Variants in MEF2C observed in about 807,000 individuals in gnomAD.
MEF2C encodes the protein myocyte enhancer factor 2C, also known as myocyte-specific enhancer factor 2C.
A neutral mutation model predicts 50.5 loss-of-function variants in MEF2C; 6 were observed. The observed-to-expected ratio is 0.12, with a 90% CI of 0.07 to 0.23. MEF2C has a LOEUF of 0.23. MEF2C is among the 10% of genes least tolerant of loss of function. The pLI is 1.00. For synonymous variants in MEF2C, 183 were observed against 228.0 expected (o/e 0.80, Z 1.78); for missense variants, 276 against 605.0 (o/e 0.46, Z 5.70).
At chr5:88,855,057 A>G (rs1172626598) in intron 1 of MEF2C, among the ~76,000 whole-genome samples, 2 of 152,248 alleles carry the variant, frequency 1.3e-5, no homozygotes, top group African/African-American at 4.8e-5. Context: ...GGAGGTACAC[A>G]GAAAGGGTGC....
intron 1 of MEF2C, among the ~76,000 whole-genome samples, chr5:88,876,923 A>G (rs1371685735): frequency 3.9e-5 from 6 of 151,992 alleles, no homozygotes; most frequent in Non-Finnish European, 8.8e-5. Context: ...TCATGATGCT[A>G]TTTGGAAAAA....
intron 2 of MEF2C, chr5:88,817,899 C>G (rs889899696): frequency 6.6e-6 from 1 of 151,898 alleles, no homozygotes; most frequent in African/African-American, 2.4e-5. Context: ...TTTTATATAT[C>G]TTTCTTCCTA....
rs1037656105 is a variant in MEF2C, at chr5:88,741,107, C to T, written c.637+7963G>A. ...TCTGCTTCAGATTTATTAATACATCCGCTTTACTTCCACCCTTGAGGATAG... is the reference window on the plus strand; with the variant it reads ...TCTGCTTCAGATTTATTAATACATCTGCTTTACTTCCACCCTTGAGGATAG... On this transcript the variant is annotated intron_variant, in intron 6 of 10. Transcript: ENST00000504921. 1.1e-4 allele frequency: 107 copies of T among 985,384 alleles called. No individual in the cohort carries two copies. In the African/African-American group the frequency reaches 1.3e-3, roughly 12 times the overall value. 61.0% of individuals were successfully genotyped at this position (985,384 alleles called of 1,614,324 possible). A position where few individuals can be genotyped will look rare whatever the true frequency, so the allele number is the denominator to read the frequency against.
At chr5:88,788,186 AT>A (rs1374332962) in intron 3 of MEF2C, among the ~76,000 whole-genome samples, 1 of 138,476 alleles carries the variant, frequency 7.2e-6, no homozygotes, top group African/African-American at 2.5e-5. Context: ...TTGTTTATTT[AT>A]TTATTTATTT....
intron 1 of MEF2C, among the ~76,000 whole-genome samples, chr5:88,862,779 C>T (rs1421613586): frequency 6.6e-6 from 1 of 152,134 alleles, no homozygotes; most frequent in Non-Finnish European, 1.5e-5. Flanking sequence ...GGAGTGGGCG[C>T]TGAGGAGGAG....
intron 3 of MEF2C, among the ~76,000 whole-genome samples, chr5:88,796,068 G>A (rs1488582432): frequency 2.6e-5 from 4 of 152,084 alleles, no homozygotes; most frequent in Admixed American, 6.5e-5. Context: ...TTTTTGCATC[G>A]ATGTTCATCA....
intron 5 of MEF2C, among the ~76,000 whole-genome samples, chr5:88,750,690 A>G (rs1379130773): frequency 6.6e-6 from 1 of 152,232 alleles, no homozygotes; most frequent in Non-Finnish European, 1.5e-5. Flanking sequence ...AATATATTCA[A>G]AAGTCAAGAG....
At position 88,720,156 on chromosome 5, in the gene MEF2C, G is replaced by GT. The variant is rs1755807660; in HGVS notation, c.*2447dup. 1 of 152,108 alleles carries GT rather than the reference G, an allele frequency of 6.6e-6. No individual in the cohort carries two copies. Among genetic ancestry groups the GT allele is most frequent in the African/African-American group, 2.4e-5 (1 of 41,442 alleles). The allele number at this position is 152,108 out of a possible 1,614,324, so 9.4% of individuals were successfully genotyped here. Reference sequence around the variant, plus strand: ...ACACATCAAGTTAGAAGGATGGGTTGTAAGGATGGGATCAAGTCTATGGTG... The same window carrying GT: ...ACACATCAAGTTAGAAGGATGGGTTGTTAAGGATGGGATCAAGTCTATGGTG... On this transcript the variant is annotated 3_prime_UTR_variant, in exon 11 of 11. Transcript: ENST00000504921.
At chr5:88,830,634 C>T (rs1812655100) in intron 1 of MEF2C, among the ~76,000 whole-genome samples, 1 of 152,054 alleles carries the variant, frequency 6.6e-6, no homozygotes, top group Non-Finnish European at 1.5e-5. Flanking sequence ...TGTGAAGAAC[C>T]TTGTGCTATC....
At chr5:88,806,956 T>C (rs1800710258) in intron 2 of MEF2C, among the ~76,000 whole-genome samples, 2 of 152,182 alleles carry the variant, frequency 1.3e-5, no homozygotes, top group Admixed American at 6.5e-5. Context: ...TAAAAATTGA[T>C]AGGGGAAGCT....
At chr5:88,882,040 G>A (rs887018215) in intron 1 of MEF2C, among the ~76,000 whole-genome samples, 1 of 152,190 alleles carries the variant, frequency 6.6e-6, no homozygotes, top group Admixed American at 6.5e-5. Flanking sequence ...ACTTAGAATA[G>A]TCAGAAGTGA....
rs922577489 is a variant in MEF2C at position 88,809,431 on chromosome 5, G to T, written c.55-4630C>A. The stretch of plus-strand genomic sequence containing the variant: ...ATTTATTGAATATTCTCTATGTCAG[G>T]CATTTGTGCTAGGTACTGTGGCTTC... On this transcript the variant is annotated intron_variant, in intron 2 of 10. Coordinates refer to ENST00000504921, the MANE Select transcript of MEF2C (RefSeq NM_002397.5). Among the ~76,000 whole-genome samples, 9 of 152,158 alleles carry T rather than the reference G, an allele frequency of 5.9e-5. No homozygotes were observed. In the South Asian group the frequency reaches 1.5e-3, roughly 25 times the overall value.
intron 1 of MEF2C, among the ~76,000 whole-genome samples, chr5:88,899,203 G>C (rs1228901222): frequency 2.6e-5 from 4 of 152,114 alleles, no homozygotes; most frequent in Admixed American, 2.6e-4. Flanking sequence ...AAGGCCTGCT[G>C]CTCTGGAGTA....
intron 2 of MEF2C, among the ~76,000 whole-genome samples, chr5:88,806,315 T>C (rs1800420694): frequency 6.6e-6 from 1 of 152,198 alleles, no homozygotes; most frequent in Non-Finnish European, 1.5e-5. Context: ...ATTCCTACCC[T>C]TCATCTTTCT....
At chr5:88,760,867 T>C in intron 4 of MEF2C, 1 of 1,085,126 alleles carries the variant, frequency 9.2e-7, no homozygotes, top group Non-Finnish European at 1.3e-6. Context: ...GCCCGTGGGA[T>C]GAGATGGCTA....
chr5:88,796,896 A>G (rs1796240620), intron 3 of MEF2C, among the ~76,000 whole-genome samples: 1 of 152,208 alleles, frequency 6.6e-6, no homozygotes, highest in Admixed American at 6.5e-5. Context: ...GTAGTCATTC[A>G]GGAGCAGGTT....
At chr5:88,835,877 G>C (rs1814900855) in intron 1 of MEF2C, among the ~76,000 whole-genome samples, 1 of 151,208 alleles carries the variant, frequency 6.6e-6, no homozygotes, top group South Asian at 2.1e-4. Context: ...AGGACAACAG[G>C]CTCCCACTTT....
intron 5 of MEF2C, chr5:88,751,240 T>C: frequency 1.0e-6 from 1 of 985,370 alleles, no homozygotes; most frequent in Non-Finnish European, 1.2e-6. Flanking sequence ...TTGGACACTG[T>C]GAATTGAACA....
Position 88,737,101 on chromosome 5 carries a change from A to G in MEF2C, c.638-5200T>C, listed in dbSNP as rs1764451718. The G allele has an allele frequency of 1.2e-5, 12 of 984,996 alleles. No homozygotes were observed. In the South Asian group the frequency reaches 5.2e-4, roughly 42 times the overall value. 61.0% of individuals were successfully genotyped at this position (984,996 alleles called of 1,614,324 possible). ...ATGCTAGAAAAATTAAGAATTATTC[A>G]GGAAAGGCACTAAAAGGTAAGTTAT... On this transcript the variant is annotated intron_variant, in intron 6 of 10. Transcript: ENST00000504921.
Sources: allele counts gnomAD v4.1 joint callset (sites outside exome capture counted in the v4.1 genomes callset), GRCh38; gene constraint gnomAD v4.1.1; transcripts MANE v1.5; gene names NCBI Gene and HGNC (gene_info 2026-07-23, HGNC 2026-07-21).